VPS13A: variants seen among roughly 807,000 people sequenced by gnomAD.
VPS13A encodes the protein vacuolar protein sorting 13 homolog A, also known as intermembrane lipid transfer protein VPS13A.
In VPS13A, 264 loss-of-function variants were observed where a neutral mutation model predicts 390.9. The ratio of observed to expected loss-of-function variants is 0.68; its 90% CI spans 0.61 to 0.75. VPS13A has a LOEUF of 0.75. Among genes scored for constraint, VPS13A ranks in the 30% least tolerant of loss-of-function variants. The pLI is 0.00. For synonymous variants in VPS13A, 1,231 were observed against 1,227.1 expected (o/e 1.00, Z -0.07); for missense variants, 3,409 against 3,733.9 (o/e 0.91, Z 2.27).
In VPS13A at chr9:77,247,359, A is replaced by C. The variant is rs1382879368; in HGVS notation, c.2001A>C (p.Thr667=). 1 of 1,612,634 alleles carries C rather than the reference A, an allele frequency of 6.2e-7. No homozygotes were observed. Among genetic ancestry groups the C allele is most frequent in the Non-Finnish European group, 8.5e-7 (1 of 1,179,334 alleles). Reference sequence around the variant, plus strand: ...CACAAGATGGAATTTTTAGTCCTACATCAAATCTGCTTCTTTTGGACCTTG... The same window carrying C: ...CACAAGATGGAATTTTTAGTCCTACCTCAAATCTGCTTCTTTTGGACCTTG... The part of the protein sequence containing the change: ...IVPQDGIFSP[T]SNLLLLDLGH... The change falls in exon 20 of 72, where the codon ACA becomes ACC. Residue 667 remains threonine, a synonymous_variant. Transcript: ENST00000360280.
At chr9:77,227,367 A>G (rs1454925866) in intron 15 of VPS13A, 24 bp from the exon 16 acceptor site, 1 of 1,521,862 alleles carries the variant, frequency 6.6e-7, no homozygotes, top group Non-Finnish European at 9.1e-7. Flanking sequence ...TTAAGAACAT[A>G]AAGCACTTCT....
intron 10 of VPS13A, among the ~76,000 whole-genome samples, chr9:77,214,737 G>A (rs1347287340): frequency 6.6e-6 from 1 of 152,044 alleles, no homozygotes; most frequent in Non-Finnish European, 1.5e-5. Context: ...AGCCTTTTTC[G>A]AAATAGTAAG....
chr9:77,391,364 A>C (rs55649410), intron 68 of VPS13A, among the ~76,000 whole-genome samples: 22,992 of 152,204 alleles, frequency 0.15, 2,024 homozygotes, highest in African/African-American at 0.24. Flanking sequence ...CTGTGAAAGG[A>C]TACATTCACT....
chr9:77,338,458 T>TG (rs1276568352), intron 47 of VPS13A: 2 of 152,170 alleles, frequency 1.3e-5, no homozygotes, highest in African/African-American at 2.4e-5. Flanking sequence ...TAAGCAGGCT[T>TG]TATTGCTTTT....
chr9:77,407,943 A>C (rs1207646718), intron 71 of VPS13A, among the ~76,000 whole-genome samples: 1 of 152,212 alleles, frequency 6.6e-6, no homozygotes, highest in East Asian at 1.9e-4. Context: ...TCCAACAGGA[A>C]AGTGTAGCCC....
rs1284499663 is a variant in VPS13A at position 77,359,329 on chromosome 9, A to G, written c.8036-4A>G. 6.2e-7 allele frequency: 1 copy of G among 1,612,914 alleles called. No homozygotes were observed. ...GGGAGTAATTATATTTATAACCTTT[A>G]CAGCACCAAAGCCCTTTACAGATGT... On this transcript the variant is annotated splice_polypyrimidine_tract_variant and splice_region_variant and intron_variant, in intron 57 of 71. Coordinates refer to ENST00000360280, the MANE Select transcript of VPS13A (RefSeq NM_033305.3).
At chr9:77,377,499 T>G (rs1833171211) in intron 67 of VPS13A, among the ~76,000 whole-genome samples, 1 of 152,222 alleles carries the variant, frequency 6.6e-6, no homozygotes, top group Non-Finnish European at 1.5e-5. Flanking sequence ...TATGCTGTTT[T>G]AAATGGAATT....
At chr9:77,335,640 A>G (rs546886821) in intron 46 of VPS13A, among the ~76,000 whole-genome samples, 55 of 152,354 alleles carry the variant, frequency 3.6e-4, no homozygotes, top group African/African-American at 1.3e-3. Context: ...ATGCAAATCA[A>G]AACAACAACA....
In VPS13A at chr9:77,281,897, A is replaced by C; in HGVS notation, c.2935A>C (p.Thr979Pro). ...AAAGAATGTACCCGACTTGAAAAGT[A>C]CCTATAACAATGTTTTACAATTGAT... ...AEKNVPDLKSTYNNVLQLIKV... is the reference protein window; with the variant it reads ...AEKNVPDLKSPYNNVLQLIKV... Residue 979 changes from threonine to proline, a missense_variant, in exon 28 of 72, where the codon ACC becomes CCC. By Grantham distance (38) the Thr-to-Pro change is conservative (BLOSUM62 -1). Transcript: ENST00000360280. 1 of 1,603,658 alleles carries C rather than the reference A, an allele frequency of 6.2e-7. No homozygotes were observed. Among genetic ancestry groups the C allele is most frequent in the African/African-American group, 1.3e-5 (1 of 74,758 alleles).
At chr9:77,220,685 C>G (rs567746564) in intron 12 of VPS13A, among the ~76,000 whole-genome samples, 1 of 152,022 alleles carries the variant, frequency 6.6e-6, no homozygotes, top group African/African-American at 2.4e-5. Context: ...TGTTTTCTTG[C>G]ATTGTCTCTC....
chr9:77,332,009 G>T lies in VPS13A; in HGVS notation c.5992-1G>T. On this transcript the variant is annotated splice_acceptor_variant, in intron 45 of 71. Coordinates refer to ENST00000360280, the MANE Select transcript of VPS13A (RefSeq NM_033305.3). LOFTEE classifies it high-confidence loss of function. ...AAATATTATTTGTTTTTCTTTCCCA[G>T]ATAAGAAATCATTTTTCAGTCCCAC... The T allele has an allele frequency of 6.2e-7, 1 of 1,600,082 alleles. No homozygotes were observed. Among genetic ancestry groups the T allele is most frequent in the Non-Finnish European group, 8.6e-7 (1 of 1,168,098 alleles).
chr9:77,326,303 A>C (rs1564731229), intron 45 of VPS13A, among the ~76,000 whole-genome samples: 5 of 152,094 alleles, frequency 3.3e-5, no homozygotes. Flanking sequence ...AGTTTTGATC[A>C]ACTTTAGAAA....
Position 77,282,077 on chromosome 9 carries a change from C to T in VPS13A, c.2965-44C>T, listed in dbSNP as rs781048072. ...TAGTGCCTTGTAGAGAGCTGGCAAG[C>T]AAATATTTATTGACCTATCACTAAA... On this transcript the variant is annotated intron_variant, in intron 28 of 71. Transcript: ENST00000360280. 3.1e-6 allele frequency: 5 copies of T among 1,598,630 alleles called. No individual in the cohort carries two copies. The Admixed American group carries it at 6.7e-5, about 21-fold the overall frequency.
chr9:77,396,228 GT>G (rs1834114334), intron 68 of VPS13A, among the ~76,000 whole-genome samples: 1 of 152,170 alleles, frequency 6.6e-6, no homozygotes, highest in Non-Finnish European at 1.5e-5. Flanking sequence ...GGTTGTACCA[GT>G]TGATGACAAC....
intron 29 of VPS13A, 21 bp downstream of exon 29, chr9:77,282,295 G>T (rs767195374): frequency 6.3e-7 from 1 of 1,596,806 alleles, no homozygotes; most frequent in South Asian, 1.1e-5. Flanking sequence ...TAAAAATTTA[G>T]CATCAACTTT....
chr9:77,235,865 AT>A (rs1272268250), intron 17 of VPS13A, among the ~76,000 whole-genome samples: 2 of 152,036 alleles, frequency 1.3e-5, no homozygotes, highest in African/African-American at 4.8e-5. Context: ...TCAGCTTATG[AT>A]TTTTTTGATT....
At chr9:77,352,540 T>G (rs1327543) in intron 53 of VPS13A, among the ~76,000 whole-genome samples, 12,164 of 152,236 alleles carry the variant, frequency 0.08, 602 homozygotes, top group East Asian at 0.12. Context: ...AAAGTCTTAT[T>G]CATTTGATCT....
At chr9:77,322,431 G>T (rs900208953) in intron 44 of VPS13A, among the ~76,000 whole-genome samples, 1 of 151,838 alleles carries the variant, frequency 6.6e-6, no homozygotes, top group Non-Finnish European at 1.5e-5. Context: ...TTAGACATAG[G>T]GGGGTAGGCT....
chr9:77,353,679 A>C (rs1778228588), intron 54 of VPS13A, 38 bp downstream of exon 54: 1 of 1,529,992 alleles, frequency 6.5e-7, no homozygotes, highest in Admixed American at 1.7e-5. Flanking sequence ...TTAAATGATC[A>C]GTTTCTAATT....
Sources: gnomAD v4.1 joint callset for allele counts (sites outside exome capture counted in the v4.1 genomes callset) on GRCh38, gnomAD v4.1.1 for gene constraint, MANE v1.5 for transcripts, NCBI Gene and HGNC (gene_info 2026-07-23, HGNC 2026-07-21) for gene names.